The following TBC1D1 variants were observed in gnomAD, a reference collection of about 807,000 sequenced individuals.
The protein encoded by TBC1D1 is TBC1 domain family member 1, also known as TBC1 (tre-2/USP6, BUB2, cdc16) domain family, member 1.
In TBC1D1, 89 loss-of-function variants were observed where a neutral mutation model predicts 125.6. The ratio of observed to expected loss-of-function variants is 0.71; its 90% CI spans 0.60 to 0.85. The LOEUF is 0.85. TBC1D1 is among the 40% of genes least tolerant of loss of function. The pLI is 0.00. For synonymous variants in TBC1D1, 565 were observed against 564.1 expected (o/e 1.00, Z -0.02); for missense variants, 1,377 against 1,469.2 (o/e 0.94, Z 1.03).
intron 2 of TBC1D1, among the ~76,000 whole-genome samples, chr4:38,006,237 A>G (rs1016477093): frequency 2.6e-5 from 4 of 152,122 alleles, no homozygotes; most frequent in African/African-American, 9.7e-5. Context: ...TCATTTCATT[A>G]GAGAATTAGG....
intron 2 of TBC1D1, among the ~76,000 whole-genome samples, chr4:37,922,082 C>CT (rs1301616613): frequency 6.6e-6 from 1 of 151,998 alleles, no homozygotes; most frequent in Non-Finnish European, 1.5e-5. Context: ...TACCCTTCCA[C>CT]TTTTTTTTCC....
chr4:38,039,518 TGTTGCATGTATCA>T (rs1005365752), intron 8 of TBC1D1, among the ~76,000 whole-genome samples: 2 of 152,178 alleles, frequency 1.3e-5, no homozygotes, highest in Non-Finnish European at 2.9e-5. Flanking sequence ...AGTAGTTTGT[TGTTGCATGTATCA>T]GTTGCTTGTA....
At chr4:38,060,298 C>G (rs984287939) in intron 12 of TBC1D1, among the ~76,000 whole-genome samples, 2 of 152,154 alleles carry the variant, frequency 1.3e-5, no homozygotes, top group South Asian at 2.1e-4. Flanking sequence ...GAGGAATTGC[C>G]ACACCATCTT....
At chr4:37,998,729 C>T (rs1308061417) in intron 2 of TBC1D1, among the ~76,000 whole-genome samples, 1 of 152,184 alleles carries the variant, frequency 6.6e-6, no homozygotes, top group Non-Finnish European at 1.5e-5. Context: ...GTGTCTTCTT[C>T]AGAGTGTTGG....
intron 15 of TBC1D1, among the ~76,000 whole-genome samples, chr4:38,105,880 A>T (rs1273211466): frequency 6.6e-6 from 1 of 152,158 alleles, no homozygotes; most frequent in East Asian, 1.9e-4. Context: ...TGCAATTGTG[A>T]ATAGTGCTGT....
At chr4:38,133,681 A>T (rs1027422146) in intron 19 of TBC1D1, among the ~76,000 whole-genome samples, 1 of 152,216 alleles carries the variant, frequency 6.6e-6, no homozygotes, top group Non-Finnish European at 1.5e-5. Context: ...AAATATAACA[A>T]ACCAGAAGAG....
rs746490570 is a variant in TBC1D1 at position 38,136,732 on chromosome 4, C to T, written c.3307-403C>T. On this transcript the variant is annotated intron_variant, in intron 19 of 19. Transcript: ENST00000261439. ...CTGCAGTAACAAACTTACAAGTCTC[C>T]GAGGCTTGGCACAACGGAAGTCTTT... Among the ~76,000 whole-genome samples, 9 of 152,148 alleles carry T rather than the reference C, an allele frequency of 5.9e-5. No individual in the cohort carries two copies. The East Asian group carries it at 1.3e-3, about 23-fold the overall frequency.
chr4:37,950,137 T>C (rs1727530605), intron 2 of TBC1D1, among the ~76,000 whole-genome samples: 1 of 152,148 alleles, frequency 6.6e-6, no homozygotes, highest in Non-Finnish European at 1.5e-5. Flanking sequence ...GACAATACGA[T>C]ATTACACCAG....
At chr4:37,920,037 G>C (rs559286318) in intron 2 of TBC1D1, among the ~76,000 whole-genome samples, 1 of 152,122 alleles carries the variant, frequency 6.6e-6, no homozygotes, top group Non-Finnish European at 1.5e-5. Flanking sequence ...GGCGTGAACC[G>C]GTGAGGCGGA....
At chr4:37,944,686 G>T (rs1726290685) in intron 2 of TBC1D1, among the ~76,000 whole-genome samples, 1 of 152,238 alleles carries the variant, frequency 6.6e-6, no homozygotes, top group African/African-American at 2.4e-5. Context: ...CCTTGGAAAA[G>T]CGCAGTATTA....
rs143841640 is a variant in TBC1D1, at chr4:38,095,917, G to A, written c.2237-12G>A. Reference sequence around the variant, plus strand: ...AGCCTTTACTAATGCGCTCTGGAATGGTCTATTCCAGCCTCTGAAAATGAT... The same window carrying A: ...AGCCTTTACTAATGCGCTCTGGAATAGTCTATTCCAGCCTCTGAAAATGAT... On this transcript the variant is annotated splice_polypyrimidine_tract_variant and intron_variant, in intron 13 of 19. Coordinates refer to ENST00000261439, the MANE Select transcript of TBC1D1 (RefSeq NM_015173.4). 3 of 1,609,116 alleles carry A rather than the reference G, an allele frequency of 1.9e-6. No homozygotes were observed. The East Asian group carries it at 6.7e-5, about 36-fold the overall frequency.
intron 15 of TBC1D1, among the ~76,000 whole-genome samples, chr4:38,106,941 C>G (rs2152563486): frequency 6.6e-6 from 1 of 152,134 alleles, no homozygotes; most frequent in Admixed American, 6.5e-5. Flanking sequence ...GCATTCAAGT[C>G]CTCTCCATCC....
At chr4:38,102,891 A>G (rs1760625683) in intron 14 of TBC1D1, 108 bp from the exon 17 acceptor site, 1 of 1,365,012 alleles carries the variant, frequency 7.3e-7, no homozygotes, top group Non-Finnish European at 9.9e-7. Flanking sequence ...AAAAAAAAAA[A>G]AAAAGGAACA....
chr4:37,966,943 T>G (rs1731184732), intron 2 of TBC1D1, among the ~76,000 whole-genome samples: 1 of 152,220 alleles, frequency 6.6e-6, no homozygotes, highest in African/African-American at 2.4e-5. Context: ...CACATTCTTC[T>G]TGTTGACATG....
At chr4:37,932,440 T>C (rs764576329) in intron 2 of TBC1D1, among the ~76,000 whole-genome samples, 6 of 152,202 alleles carry the variant, frequency 3.9e-5, no homozygotes, top group Non-Finnish European at 7.3e-5. Flanking sequence ...TTGCAAGGCT[T>C]TCAGGATGGA....
rs1725504521 is a variant in TBC1D1, at chr4:37,941,262, G to A, written c.417+38750G>A. Among the ~76,000 whole-genome samples the A allele has an allele frequency of 2.6e-5, 4 of 152,164 alleles. No homozygotes were observed. In the South Asian group the frequency reaches 6.2e-4, roughly 24 times the overall value. On this transcript the variant is annotated intron_variant, in intron 2 of 19. Coordinates refer to ENST00000261439, the MANE Select transcript of TBC1D1 (RefSeq NM_015173.4). ...CTGGTTTAGTCTTGGGAGAGTGTAT[G>A]TGTCGAGGAATTTATCCATTTCTTC...
At chr4:38,005,552 C>T (rs1739970863) in intron 2 of TBC1D1, among the ~76,000 whole-genome samples, 1 of 152,186 alleles carries the variant, frequency 6.6e-6, no homozygotes, top group African/African-American at 2.4e-5. Context: ...AGTGCAGCCT[C>T]CTGGGGGATA....
In TBC1D1 at chr4:38,125,185, A is replaced by G. The variant is rs145003291; in HGVS notation, c.3132+54A>G. On this transcript the variant is annotated intron_variant, in intron 18 of 19. Transcript: ENST00000261439. ...CTTAAGCCATCCTAGATATGTAGAA[A>G]CTTAAATCTCTCTTGAGCAGGAACT... The G allele has an allele frequency of 8.7e-5, 135 of 1,550,912 alleles. No individual in the cohort carries two copies. The East Asian group carries it at 2.1e-3, about 24-fold the overall frequency.
chr4:38,089,277 A>T (rs1758038803), intron 12 of TBC1D1, among the ~76,000 whole-genome samples: 1 of 152,218 alleles, frequency 6.6e-6, no homozygotes, highest in Non-Finnish European at 1.5e-5. Flanking sequence ...GTCTACCTAT[A>T]TAAAATGCCC....
Sources: gnomAD v4.1 joint callset for allele counts (sites outside exome capture counted in the v4.1 genomes callset) on GRCh38, gnomAD v4.1.1 for gene constraint, MANE v1.5 for transcripts, NCBI Gene and HGNC (gene_info 2026-07-23, HGNC 2026-07-21) for gene names.